The following IMMP2L variants were observed in gnomAD, a reference collection of about 807,000 sequenced individuals.
IMMP2L encodes the protein inner mitochondrial membrane peptidase subunit 2.
In IMMP2L, 18 loss-of-function variants were observed where a neutral mutation model predicts 19.3. The ratio of observed to expected loss-of-function variants is 0.93; its 90% CI spans 0.64 to 1.38. The LOEUF is 1.38. Ranked by LOEUF, IMMP2L falls within the 40% of genes most tolerant of loss-of-function variation. IMMP2L has a pLI of 0.00. For synonymous variants in IMMP2L, 76 were observed against 73.0 expected (o/e 1.04, Z -0.21); for missense variants, 233 against 218.2 (o/e 1.07, Z -0.43).
intron 3 of IMMP2L, among the ~76,000 whole-genome samples, chr7:111,424,216 C>T (rs1835858759): frequency 6.6e-6 from 1 of 151,774 alleles, no homozygotes; most frequent in Non-Finnish European, 1.5e-5. Context: ...GTACTTTCTA[C>T]TCATCACAGT....
chr7:111,240,642 G>C lies in IMMP2L; in HGVS notation c.239+246596C>G, dbSNP rs1356527507. On this transcript the variant is annotated intron_variant, in intron 3 of 5. Coordinates refer to ENST00000405709, the MANE Select transcript of IMMP2L (RefSeq NM_032549.4). ...ACGACAGTCCCATTACTTCATGTTA[G>C]GGACAGTCCCATTTTCTTTTAACAG... 4.6e-5 allele frequency among the ~76,000 whole-genome samples: 7 copies of C among 151,984 alleles called. No homozygotes were observed. In the Middle Eastern group the frequency reaches 0.017, roughly 369 times the overall value.
At chr7:111,104,562 G>A (rs1424487273) in intron 3 of IMMP2L, among the ~76,000 whole-genome samples, 1 of 151,362 alleles carries the variant, frequency 6.6e-6, no homozygotes, top group Non-Finnish European at 1.5e-5. Flanking sequence ...ATGGTTGCCA[G>A]CAATAGTTGT....
chr7:111,272,378 C>T (rs1336700438), intron 3 of IMMP2L, among the ~76,000 whole-genome samples: 1 of 152,150 alleles, frequency 6.6e-6, no homozygotes, highest in Non-Finnish European at 1.5e-5. Flanking sequence ...CAAACCTTTC[C>T]TGATTCCCCA....
At chr7:110,882,623 C>A (rs753600777) in intron 5 of IMMP2L, among the ~76,000 whole-genome samples, 1 of 151,994 alleles carries the variant, frequency 6.6e-6, no homozygotes, top group African/African-American at 2.4e-5. Context: ...TCAGGTGATC[C>A]ACCCGCCTCG....
intron 3 of IMMP2L, among the ~76,000 whole-genome samples, chr7:111,042,502 G>C (rs867292327): frequency 6.6e-6 from 1 of 152,150 alleles, no homozygotes; most frequent in Non-Finnish European, 1.5e-5. Context: ...ATTTTATCTT[G>C]TGCAAGGGTT....
intron 3 of IMMP2L, among the ~76,000 whole-genome samples, chr7:111,346,712 G>T (rs2130842638): frequency 6.6e-6 from 1 of 152,262 alleles, no homozygotes; most frequent in South Asian, 2.1e-4. Context: ...TTACAGGTGT[G>T]TAGATGGAAC....
At chr7:111,372,710 C>T (rs1288684973) in intron 3 of IMMP2L, among the ~76,000 whole-genome samples, 3 of 151,848 alleles carry the variant, frequency 2.0e-5, no homozygotes, top group African/African-American at 7.3e-5. Context: ...GGTATTTAAT[C>T]TATCTCTTTC....
At chr7:111,305,853 T>C (rs895754004) in intron 3 of IMMP2L, among the ~76,000 whole-genome samples, 4 of 152,168 alleles carry the variant, frequency 2.6e-5, no homozygotes, top group African/African-American at 9.7e-5. Flanking sequence ...TTGTTCTCTA[T>C]CTGCATTGCT....
intron 3 of IMMP2L, among the ~76,000 whole-genome samples, chr7:111,262,608 T>C (rs185026388): frequency 4.7e-4 from 71 of 152,258 alleles, no homozygotes; most frequent in African/African-American, 1.7e-3. Flanking sequence ...CGTAGCAAGA[T>C]GTCCCTAGCT....
At chr7:110,833,337 G>A (rs967547617) in intron 5 of IMMP2L, among the ~76,000 whole-genome samples, 1 of 151,298 alleles carries the variant, frequency 6.6e-6, no homozygotes, top group African/African-American at 2.4e-5. Context: ...TACTCAAGAA[G>A]CTGAGGCAGG....
chr7:111,510,379 T>C (rs1235160591), intron 2 of IMMP2L, among the ~76,000 whole-genome samples: 2 of 152,072 alleles, frequency 1.3e-5, no homozygotes, highest in African/African-American at 4.8e-5. Flanking sequence ...ATTATATACA[T>C]ACATATACAT....
chr7:111,528,258 C>A (rs918682876), intron 1 of IMMP2L, among the ~76,000 whole-genome samples: 9 of 152,108 alleles, frequency 5.9e-5, no homozygotes, highest in African/African-American at 2.2e-4. Flanking sequence ...AAGTACCTAG[C>A]CCCGACTTCC....
intron 3 of IMMP2L, among the ~76,000 whole-genome samples, chr7:111,429,661 A>G (rs545849387): frequency 6.6e-6 from 1 of 151,974 alleles, no homozygotes; most frequent in South Asian, 2.1e-4. Flanking sequence ...CATCTAATTG[A>G]GCTCCAACTC....
intron 3 of IMMP2L, among the ~76,000 whole-genome samples, chr7:111,156,836 A>AT (rs562636074): frequency 3.6e-4 from 54 of 151,276 alleles, no homozygotes; most frequent in Non-Finnish European, 4.7e-4. Context: ...TAGGCCTGAG[A>AT]TTTTTTTTCT....
intron 3 of IMMP2L, among the ~76,000 whole-genome samples, chr7:110,969,317 T>C (rs185732092): frequency 6.6e-6 from 1 of 152,114 alleles, no homozygotes; most frequent in Non-Finnish European, 1.5e-5. Flanking sequence ...AGGTCAGTAG[T>C]ATTTCAGCTA....
chr7:111,483,319 C>G (rs1284195025), intron 3 of IMMP2L: 1 of 152,108 alleles, frequency 6.6e-6, no homozygotes, highest in African/African-American at 2.4e-5. Flanking sequence ...AATAGTGCAA[C>G]TTATGTTAAG....
At chr7:110,942,683 A>G (rs1465083524) in intron 4 of IMMP2L, among the ~76,000 whole-genome samples, 4 of 151,976 alleles carry the variant, frequency 2.6e-5, no homozygotes, top group African/African-American at 9.6e-5. Flanking sequence ...CAAGAAATCC[A>G]AAACCAACAT....
chr7:111,068,921 A>T (rs1313312648), intron 3 of IMMP2L, among the ~76,000 whole-genome samples: 2 of 152,160 alleles, frequency 1.3e-5, no homozygotes, highest in Non-Finnish European at 2.9e-5. Context: ...TAGCCAATAC[A>T]ATAAAGTAAT....
intron 3 of IMMP2L, among the ~76,000 whole-genome samples, chr7:110,970,570 T>C (rs1286869162): frequency 1.3e-5 from 2 of 152,130 alleles, no homozygotes; most frequent in Non-Finnish European, 2.9e-5. Flanking sequence ...ATATTGAATA[T>C]GCTTAAAGTT....
Sources: gnomAD v4.1 joint callset for allele counts (sites outside exome capture counted in the v4.1 genomes callset) on GRCh38, gnomAD v4.1.1 for gene constraint, MANE v1.5 for transcripts, NCBI Gene and HGNC (gene_info 2026-07-23, HGNC 2026-07-21) for gene names.